Variants in RBM47 observed in about 807,000 individuals in gnomAD.
RBM47 encodes RNA-binding protein 47.
Under a neutral mutation model 47.1 loss-of-function variants are expected in RBM47, and 21 were observed. The observed-to-expected ratio is 0.45, with a 90% confidence interval of 0.32 to 0.64. The LOEUF (loss-of-function observed/expected upper bound fraction) is 0.64. Ranked by LOEUF, RBM47 falls within the 30% of genes least tolerant of loss-of-function variation. The pLI is 0.05. For missense variants in RBM47, 708 were observed against 870.9 expected (o/e 0.81, Z 2.35); for synonymous variants, 375 against 361.7 (o/e 1.04, Z -0.42).
rs1164052883 is a variant in RBM47 at position 40,552,376 on chromosome 4, C to T, written c.-239-7870G>A. On this transcript the variant is annotated intron_variant, in intron 1 of 6. Coordinates refer to ENST00000295971, the MANE Select transcript of RBM47 (RefSeq NM_001098634.2). ...TCCCGCCACTGTACTCCAGCCTGGGCGACAGAGTGAGACTCTGTCTCAAAA... is the reference window on the plus strand; with the variant it reads ...TCCCGCCACTGTACTCCAGCCTGGGTGACAGAGTGAGACTCTGTCTCAAAA... Among the ~76,000 whole-genome samples the T allele has an allele frequency of 2.7e-5, 4 of 150,710 alleles. No homozygotes were observed. In the East Asian group the frequency reaches 5.9e-4, roughly 22 times the overall value.
intron 1 of RBM47, among the ~76,000 whole-genome samples, chr4:40,618,136 T>C (rs1736911464): frequency 6.6e-6 from 1 of 151,442 alleles, no homozygotes. Flanking sequence ...CAGCTACTTG[T>C]GAAGCTGAGG....
chr4:40,527,957 T>A (rs73147524), intron 2 of RBM47, among the ~76,000 whole-genome samples: 6,516 of 152,218 alleles, frequency 0.043, 395 homozygotes, highest in African/African-American at 0.13. Context: ...CAGAAACTTG[T>A]TTTCGTATTT....
intron 3 of RBM47, among the ~76,000 whole-genome samples, chr4:40,466,061 G>C (rs1426414929): frequency 6.6e-6 from 1 of 152,070 alleles, no homozygotes; most frequent in Non-Finnish European, 1.5e-5. Context: ...GAGGCCAGCA[G>C]TTTGAGAACT....
chr4:40,625,689 AC>A (rs1171594927), intron 1 of RBM47, among the ~76,000 whole-genome samples: 1 of 152,200 alleles, frequency 6.6e-6, no homozygotes, highest in Non-Finnish European at 1.5e-5. Flanking sequence ...CCAGGAACCC[AC>A]TGTGGTCTTC....
chr4:40,497,360 T>C (rs1722744552), intron 2 of RBM47, among the ~76,000 whole-genome samples: 1 of 152,200 alleles, frequency 6.6e-6, no homozygotes, highest in Admixed American at 6.5e-5. Context: ...GGCTCAAGCC[T>C]GTAATCCCAG....
At chr4:40,507,712 G>A (rs1322502627) in intron 2 of RBM47, among the ~76,000 whole-genome samples, 2 of 151,924 alleles carry the variant, frequency 1.3e-5, no homozygotes, top group Non-Finnish European at 2.9e-5. Context: ...CTTGAACCTG[G>A]GAGGCGGAGG....
At chr4:40,443,171 G>A (rs770041464) in intron 3 of RBM47, among the ~76,000 whole-genome samples, 1 of 152,078 alleles carries the variant, frequency 6.6e-6, no homozygotes, top group Admixed American at 6.6e-5. Context: ...GGAGGAGTGG[G>A]GAATTAGTGC....
At chr4:40,625,284 G>C (rs531304797) in intron 1 of RBM47, among the ~76,000 whole-genome samples, 1 of 152,216 alleles carries the variant, frequency 6.6e-6, no homozygotes, top group East Asian at 1.9e-4. Context: ...TGATCTAAGA[G>C]AAACAACACC....
intron 3 of RBM47, among the ~76,000 whole-genome samples, chr4:40,445,231 A>T (rs908399337): frequency 6.7e-6 from 1 of 148,152 alleles, no homozygotes; most frequent in Non-Finnish European, 1.5e-5. Context: ...CCGAGATCAC[A>T]CCACTGCACT....
chr4:40,526,638 A>G lies in RBM47; in HGVS notation c.-155+17784T>C, dbSNP rs377369197. 4.2e-4 allele frequency among the ~76,000 whole-genome samples: 64 copies of G among 152,132 alleles called. No individual in the cohort carries two copies. In the South Asian group the frequency reaches 9.1e-3, roughly 22 times the overall value. On this transcript the variant is annotated intron_variant, in intron 2 of 6. Transcript: ENST00000295971. ...ACCCAGGCTGGAGTACAGTGGTGCC[A>G]TAACAGCTCACTGCAGCCTCAACCT...
chr4:40,488,161 CA>C (rs1721376123), intron 2 of RBM47, among the ~76,000 whole-genome samples: 1 of 151,814 alleles, frequency 6.6e-6, no homozygotes, highest in African/African-American at 2.4e-5. Context: ...GCCTCTACTA[CA>C]AAATTAGCCA....
chr4:40,466,979 G>A (rs113327317), intron 2 of RBM47, among the ~76,000 whole-genome samples: 4,249 of 152,190 alleles, frequency 0.028, 198 homozygotes, highest in African/African-American at 0.097. Flanking sequence ...TTGTCTCTAT[G>A]CCTTCTTCAG....
intron 3 of RBM47, among the ~76,000 whole-genome samples, chr4:40,462,348 TG>T (rs1717278506): frequency 6.6e-6 from 1 of 152,170 alleles, no homozygotes; most frequent in Non-Finnish European, 1.5e-5. Context: ...AAAAGAAATT[TG>T]TTTTTGTACA....
intron 2 of RBM47, chr4:40,502,179 T>C (rs533033319): frequency 5.8e-5 from 9 of 154,492 alleles, no homozygotes; most frequent in Non-Finnish European, 8.8e-5. Context: ...TTCTGACATA[T>C]GTCTAAAGCA....
intron 1 of RBM47, among the ~76,000 whole-genome samples, chr4:40,579,114 A>T (rs1193573520): frequency 9.4e-6 from 1 of 106,848 alleles, no homozygotes; most frequent in African/African-American, 3.6e-5. Flanking sequence ...GCGAGACTCT[A>T]TCTTAAATTA....
chr4:40,526,969 C>T (rs1422286016), intron 2 of RBM47, among the ~76,000 whole-genome samples: 1 of 151,974 alleles, frequency 6.6e-6, no homozygotes, highest in Admixed American at 6.6e-5. Context: ...AAAGATAGTA[C>T]AAAACCTCAC....
chr4:40,542,356 C>G (rs1728633539), intron 2 of RBM47, among the ~76,000 whole-genome samples: 1 of 152,094 alleles, frequency 6.6e-6, no homozygotes, highest in Non-Finnish European at 1.5e-5. Context: ...CATACTGGGC[C>G]CCTGCAAAGG....
intron 1 of RBM47, among the ~76,000 whole-genome samples, chr4:40,569,462 T>G (rs954429231): frequency 6.7e-6 from 1 of 149,842 alleles, no homozygotes; most frequent in Non-Finnish European, 1.5e-5. Flanking sequence ...CAGGCTGGAG[T>G]GCAGTGGTGC....
intron 1 of RBM47, among the ~76,000 whole-genome samples, chr4:40,594,043 C>G (rs1403420558): frequency 4.6e-5 from 7 of 151,820 alleles, no homozygotes; most frequent in African/African-American, 1.7e-4. Flanking sequence ...CAGAGCAAGA[C>G]CCCATCTCAA....
Sources: allele counts gnomAD v4.1 joint callset (sites outside exome capture counted in the v4.1 genomes callset), GRCh38; gene constraint gnomAD v4.1.1; transcripts MANE v1.5; gene names NCBI Gene and HGNC (gene_info 2026-07-23, HGNC 2026-07-21).